EYS: variants seen among roughly 807,000 people sequenced by gnomAD.
EYS encodes the protein EGF-like photoreceptor maintenance factor, also known as protein eyes shut homolog.
In EYS, 250 loss-of-function variants were observed where a neutral mutation model predicts 282.1. The observed-to-expected ratio is 0.89, with a 90% confidence interval of 0.80 to 0.98. The LOEUF is 0.98. EYS is among the 50% of genes least tolerant of loss of function. The pLI is 0.00. For synonymous variants in EYS, 1,355 were observed against 1,282.9 expected (o/e 1.06, Z -1.20); for missense variants, 4,016 against 3,709.0 (o/e 1.08, Z -2.15).
chr6:64,295,760 T>G (rs1254919486), intron 30 of EYS, among the ~76,000 whole-genome samples: 2 of 150,130 alleles, frequency 1.3e-5, no homozygotes, highest in Non-Finnish European at 3.0e-5. Flanking sequence ...GGTCTGCCAC[T>G]CCAAAGAAAA....
Position 65,084,514 on chromosome 6 carries a change from A to G in EYS, c.2024-26787T>C, listed in dbSNP as rs554642965. ...AATTTTATTCATTTTACTTTTTAAA[A>G]TAAAAATAATATCTGCCCTAGAGCT... is the stretch of plus-strand genomic sequence containing the variant. On this transcript the variant is annotated intron_variant, in intron 12 of 42. Coordinates refer to ENST00000503581, the MANE Select transcript of EYS (RefSeq NM_001142800.2). 4.6e-5 allele frequency among the ~76,000 whole-genome samples: 7 copies of G among 152,258 alleles called. No homozygotes were observed. In the South Asian group the frequency reaches 1.5e-3, roughly 32 times the overall value.
At chr6:65,135,673 A>C (rs1776004914) in intron 12 of EYS, among the ~76,000 whole-genome samples, 1 of 151,728 alleles carries the variant, frequency 6.6e-6, no homozygotes, top group Non-Finnish European at 1.5e-5. Context: ...TTTTTTTTTA[A>C]ATCTAAAATC....
chr6:64,541,850 TAA>T (rs996957894), intron 26 of EYS, among the ~76,000 whole-genome samples: 1 of 152,180 alleles, frequency 6.6e-6, no homozygotes, highest in Non-Finnish European at 1.5e-5. Flanking sequence ...TTTGTAGTTA[TAA>T]AGTTTTACAT....
chr6:63,855,315 C>T (rs1175830380), intron 36 of EYS, among the ~76,000 whole-genome samples: 1 of 152,172 alleles, frequency 6.6e-6, no homozygotes, highest in East Asian at 1.9e-4. Context: ...GGTTATTACA[C>T]AGATTATATA....
chr6:65,589,864 G>A (rs947797785), intron 2 of EYS, among the ~76,000 whole-genome samples: 14 of 151,686 alleles, frequency 9.2e-5, no homozygotes, highest in African/African-American at 2.7e-4. Flanking sequence ...TTTTAACTTC[G>A]GCTTAATGTT....
chr6:64,171,649 C>A (rs1447250806), intron 31 of EYS, among the ~76,000 whole-genome samples: 2 of 152,058 alleles, frequency 1.3e-5, no homozygotes, highest in Admixed American at 1.3e-4. Flanking sequence ...CTGCACGTAA[C>A]AAAATACCCA....
intron 31 of EYS, among the ~76,000 whole-genome samples, chr6:64,125,154 G>GCGCGCGCGCGCTCTCTC (rs1773724746): frequency 5.5e-5 from 8 of 145,264 alleles, no homozygotes; most frequent in African/African-American, 1.6e-4. Context: ...CACACTCTCT[G>GCGCGCGCGCGCTCTCTC]TCTCTCTCTC....
At chr6:63,825,378 C>T (rs903114026) in intron 36 of EYS, among the ~76,000 whole-genome samples, 1 of 152,178 alleles carries the variant, frequency 6.6e-6, no homozygotes, top group East Asian at 1.9e-4. Context: ...CGCCCACTGC[C>T]CATCCCTCTC....
At chr6:64,041,501 G>T (rs905648977) in intron 33 of EYS, among the ~76,000 whole-genome samples, 1 of 152,142 alleles carries the variant, frequency 6.6e-6, no homozygotes, top group African/African-American at 2.4e-5. Flanking sequence ...CCTTTAAAAA[G>T]AGAATCCAGA....
At chr6:65,344,887 A>G (rs1770336598) in intron 9 of EYS, among the ~76,000 whole-genome samples, 1 of 151,754 alleles carries the variant, frequency 6.6e-6, no homozygotes, top group Non-Finnish European at 1.5e-5. Flanking sequence ...AAACATGACT[A>G]CATCTCCTAG....
intron 22 of EYS, among the ~76,000 whole-genome samples, chr6:64,682,764 T>C (rs541272456): frequency 7.9e-5 from 12 of 152,300 alleles, no homozygotes; most frequent in Non-Finnish European, 1.3e-4. Context: ...TTGGATTTCT[T>C]CCAAACGTAC....
chr6:63,727,899 T>C (rs1050085801), intron 41 of EYS, among the ~76,000 whole-genome samples: 27 of 148,226 alleles, frequency 1.8e-4, no homozygotes, highest in Non-Finnish European at 3.9e-4. Context: ...GCACTCCAGC[T>C]TGGGCGACGG....
chr6:65,292,372 T>A (rs747728519), intron 12 of EYS, among the ~76,000 whole-genome samples: 1 of 151,756 alleles, frequency 6.6e-6, no homozygotes, highest in Non-Finnish European at 1.5e-5. Flanking sequence ...GTTAATTAAA[T>A]GTCTATTCAA....
At chr6:64,406,266 A>C (rs1773703812) in intron 28 of EYS, among the ~76,000 whole-genome samples, 3 of 152,236 alleles carry the variant, frequency 2.0e-5, no homozygotes, top group Admixed American at 2.0e-4. Flanking sequence ...CATATGCAGA[A>C]AGCTGAAACT....
At chr6:64,775,023 A>G (rs1017425622) in intron 22 of EYS, among the ~76,000 whole-genome samples, 1 of 152,002 alleles carries the variant, frequency 6.6e-6, no homozygotes, top group African/African-American at 2.4e-5. Context: ...GTAAATAGGG[A>G]GTGCAAACTC....
At chr6:64,614,098 A>G (rs1767193040) in intron 24 of EYS, among the ~76,000 whole-genome samples, 1 of 152,076 alleles carries the variant, frequency 6.6e-6, no homozygotes, top group African/African-American at 2.4e-5. Context: ...CTCTCCCTAC[A>G]CCTTACTGCC....
At chr6:64,133,143 CA>C (rs1774039362) in intron 31 of EYS, among the ~76,000 whole-genome samples, 1 of 151,650 alleles carries the variant, frequency 6.6e-6, no homozygotes, top group Admixed American at 6.6e-5. Context: ...TTTTTTGTAA[CA>C]AAAAAGGATA....
At chr6:64,813,607 A>T in intron 21 of EYS, 30 bp from the exon 22 acceptor site, 1 of 1,402,884 alleles carries the variant, frequency 7.1e-7, no homozygotes, top group Non-Finnish European at 9.8e-7. Context: ...ATCAAATTTG[A>T]TTATTAGTAT....
intron 1 of EYS, among the ~76,000 whole-genome samples, chr6:65,671,875 G>A (rs1363293763): frequency 6.6e-6 from 1 of 152,128 alleles, no homozygotes; most frequent in Non-Finnish European, 1.5e-5. Context: ...GAGGGAACTA[G>A]CTAAGAGACT....
Sources: gnomAD v4.1 joint callset for allele counts (sites outside exome capture counted in the v4.1 genomes callset) on GRCh38, gnomAD v4.1.1 for gene constraint, MANE v1.5 for transcripts, NCBI Gene and HGNC (gene_info 2026-07-23, HGNC 2026-07-21) for gene names.